THAP4: variants seen among roughly 807,000 people sequenced by gnomAD.
THAP4 encodes the protein peroxynitrite isomerase THAP4.
THAP4 carries 18 observed loss-of-function variants against 48.1 expected under a neutral mutation model. The ratio of observed to expected loss-of-function variants is 0.37; its 90% CI spans 0.26 to 0.56. The LOEUF (loss-of-function observed/expected upper bound fraction) is 0.56, where lower values mean the gene tolerates loss of function less well. Ranked by LOEUF, THAP4 falls within the 20% of genes least tolerant of loss-of-function variation. The probability of loss-of-function intolerance (pLI) is 0.78; values close to 1 mark genes in which losing one functional copy is unlikely to be tolerated. For synonymous variants in THAP4, 345 were observed against 324.9 expected, an observed-to-expected ratio of 1.06 and a Z score of -0.66; for missense variants, 656 against 774.9, an observed-to-expected ratio of 0.85 and a Z score of 1.82.
chr2:241,590,417 ATGATAATGGG>A (rs2066947965), intron 5 of THAP4, among the ~76,000 whole-genome samples: 5 of 149,846 alleles, frequency 3.3e-5, no homozygotes, highest in African/African-American at 9.9e-5. Context: ...TGCTCGGCTG[ATGATAATGGG>A]CACTAGGACA....
chr2:241,584,640 T>C lies in THAP4; in HGVS notation c.1700A>G (p.His567Arg). ...CACCTTCTTGTAGGTGACGTGAAGA[T>C]GCTGAGTCATTGGCTGTGTCGTGGT... The part of the protein sequence containing the change: ...MATTTQPMTQ[H>R]LHVTYKKVTP The change falls in exon 6 of 6, where the codon CAT becomes CGT. Residue 567 changes from histidine to arginine, a missense_variant. His to Arg is a conservative substitution (Grantham distance 29). Coordinates refer to ENST00000407315, the MANE Select transcript of THAP4 (RefSeq NM_015963.6). The C allele has an allele frequency of 1.9e-6, 3 of 1,614,202 alleles. No homozygotes were observed. Among genetic ancestry groups the C allele is most frequent in the Non-Finnish European group, 2.5e-6 (3 of 1,180,024 alleles).
chr2:241,590,525 G>C, intron 5 of THAP4, among the ~76,000 whole-genome samples: 1 of 133,492 alleles, frequency 7.5e-6, no homozygotes. Flanking sequence ...ACACAGAGCT[G>C]CTCGGCTGAT....
chr2:241,603,067 G>A lies in THAP4; in HGVS notation c.1413C>T (p.Phe471=), dbSNP rs773733965. ...QPMLNFSFNS[F]HPDTRKPMHR... ...GCATCGGCTTGCGCGTGTCCGGGTG[G>A]AAGGAGTTGAACCTGGACGGGAAGT... The change falls in exon 4 of 6, where the codon TTC becomes TTT. Residue 471 remains phenylalanine (F), a synonymous_variant. Coordinates refer to ENST00000407315, the MANE Select transcript of THAP4 (RefSeq NM_015963.6). 5 of 1,613,648 alleles carry A rather than the reference G, an allele frequency of 3.1e-6. No homozygotes were observed. The highest frequency in any genetic ancestry group is 4.2e-6 in the Non-Finnish European group (5 of 1,179,802).
intron 5 of THAP4, among the ~76,000 whole-genome samples, chr2:241,591,291 C>T (rs551849024): frequency 3.3e-5 from 5 of 152,274 alleles, no homozygotes; most frequent in African/African-American, 9.6e-5. Flanking sequence ...GAAACCAGGC[C>T]GGGGGCTTGA....
At chr2:241,584,995 C>CCTGATCTCGT in intron 5 of THAP4, 1 of 422,012 alleles carries the variant, frequency 2.4e-6, no homozygotes, top group East Asian at 4.7e-5. Context: ...CCTGAACGCA[C>CCTGATCTCGT]CTGATCTCGT....
chr2:241,591,768 A>C (rs1289748181), intron 5 of THAP4, among the ~76,000 whole-genome samples: 1 of 152,254 alleles, frequency 6.6e-6, no homozygotes, highest in African/African-American at 2.4e-5. Context: ...TGAACTGTGA[A>C]GCTTCCAGAA....
chr2:241,587,541 T>G (rs2066908645), intron 5 of THAP4, among the ~76,000 whole-genome samples: 1 of 152,204 alleles, frequency 6.6e-6, no homozygotes, highest in Non-Finnish European at 1.5e-5. Flanking sequence ...ATTCGTTAAG[T>G]GTACATGAAA....
chr2:241,608,695 C>T (rs1391236197), intron 2 of THAP4, among the ~76,000 whole-genome samples: 5 of 152,212 alleles, frequency 3.3e-5, no homozygotes, highest in East Asian at 3.9e-4. Context: ...TACATCCCTA[C>T]GGAGCATACA....
chr2:241,637,316 G>A (rs1160818411), upstream of THAP4: 1 of 1,190,894 alleles, frequency 8.4e-7, no homozygotes, highest in Non-Finnish European at 1.1e-6. Flanking sequence ...TCGCCCCGGC[G>A]GGGCAAGTCC....
chr2:241,598,064 C>A (rs190223796), intron 5 of THAP4, among the ~76,000 whole-genome samples: 69 of 151,324 alleles, frequency 4.6e-4, no homozygotes, highest in African/African-American at 1.6e-3. Context: ...CACAAAACAT[C>A]AGTAAAAGAG....
At chr2:241,613,907 T>G in intron 2 of THAP4, among the ~76,000 whole-genome samples, 1 of 151,974 alleles carries the variant, frequency 6.6e-6, no homozygotes, top group Non-Finnish European at 1.5e-5. Context: ...ATCCCATAAC[T>G]TTGAGAGACC....
chr2:241,615,102 AAGCC>A (rs1292840277), intron 2 of THAP4, among the ~76,000 whole-genome samples: 3 of 152,152 alleles, frequency 2.0e-5, no homozygotes, highest in East Asian at 3.9e-4. Flanking sequence ...GAAAAGAAAG[AAGCC>A]AGACAAAAAC....
In THAP4 at chr2:241,634,092, T is replaced by C. The variant is rs750010920; in HGVS notation, c.78-13A>G. The C allele has an allele frequency of 6.0e-6, 9 of 1,509,176 alleles. No homozygotes were observed. Among genetic ancestry groups the C allele is most frequent in the East Asian group, 2.3e-5 (1 of 42,686 alleles). The allele number at this position is 1,509,176 out of a possible 1,614,324, so 93.5% of individuals were successfully genotyped here. On this transcript the variant is annotated splice_polypyrimidine_tract_variant and intron_variant, in intron 1 of 5. Transcript: ENST00000407315. The stretch of plus-strand genomic sequence containing the variant: ...CTTTAGGGGGAACCTACAGGACAAA[T>C]GACAAAAAGTAATTAGAAATAATTA...
In THAP4 at chr2:241,615,881, C is replaced by T. The variant is rs142689378; in HGVS notation, c.1241-9408G>A. Among the ~76,000 whole-genome samples the T allele has an allele frequency of 1.4e-3, 211 of 152,308 alleles. 11 individuals are homozygous for T. In the East Asian group the frequency reaches 0.04, roughly 29 times the overall value. ...AGGAGAGCTCTTCGCCGCCCTCAGC[C>T]GTGTTTCTGAGTAGGTTTCGCGTTC... On this transcript the variant is annotated intron_variant, in intron 2 of 5. Transcript: ENST00000407315.
intron 2 of THAP4, among the ~76,000 whole-genome samples, chr2:241,620,426 G>A (rs2067414373): frequency 7.4e-6 from 1 of 134,588 alleles, no homozygotes; most frequent in African/African-American, 2.8e-5. Flanking sequence ...TGAGTGAGGG[G>A]TGAGGGGTGA....
At position 241,588,033 on chromosome 2, in the gene THAP4, A is replaced by G. The variant is rs189095107; in HGVS notation, c.1615-3308T>C. Among the ~76,000 whole-genome samples, 695 of 140,034 alleles carry G rather than the reference A, an allele frequency of 5.0e-3. 6 individuals carry two copies. Among genetic ancestry groups the G allele is most frequent in the African/African-American group, 0.016 (620 of 38,788 alleles). The allele number at this position is 140,034 out of a possible 152,430, so 91.9% of individuals were successfully genotyped here. On this transcript the variant is annotated intron_variant, in intron 5 of 5. Coordinates refer to ENST00000407315, the MANE Select transcript of THAP4 (RefSeq NM_015963.6). ...AAGGAGAGAAAAGAAGGAAGGAAGG[A>G]AGGGAGGGAGGGAGGGAGGGAAGGA...
At chr2:241,617,153 G>A (rs1215476916) in intron 2 of THAP4, among the ~76,000 whole-genome samples, 1 of 152,076 alleles carries the variant, frequency 6.6e-6, no homozygotes, top group Non-Finnish European at 1.5e-5. Flanking sequence ...CAATATCTGT[G>A]TATTTTACTC....
intron 2 of THAP4, among the ~76,000 whole-genome samples, chr2:241,623,048 T>A (rs959125075): frequency 6.6e-6 from 1 of 151,580 alleles, no homozygotes; most frequent in African/African-American, 2.4e-5. Flanking sequence ...AAACCCCGTC[T>A]CTACTAAAAA....
At chr2:241,637,572 C>T, upstream of THAP4, 5 of 1,505,436 alleles carry the variant, frequency 3.3e-6, no homozygotes, top group Non-Finnish European at 4.4e-6. Context: ...TGGCGGCTCC[C>T]GCGTATTTCC....
Sources: allele counts gnomAD v4.1 joint callset (sites outside exome capture counted in the v4.1 genomes callset), GRCh38; gene constraint gnomAD v4.1.1; transcripts MANE v1.5; gene names NCBI Gene and HGNC (gene_info 2026-07-23, HGNC 2026-07-21).